Variants in SAXO1 observed in about 807,000 individuals in gnomAD.
SAXO1 encodes the protein stabilizer of axonemal microtubules 1.
In SAXO1, 21 loss-of-function variants were observed where a neutral mutation model predicts 17.5. The observed-to-expected ratio is 1.20, with a 90% CI of 0.85 to 1.72. The LOEUF (loss-of-function observed/expected upper bound fraction) is 1.72, where lower values mean the gene tolerates loss of function less well. Among genes scored for constraint, SAXO1 ranks in the 40% most tolerant of loss-of-function variants. The probability of loss-of-function intolerance (pLI) is 0.00; values close to 1 mark genes in which losing one functional copy is unlikely to be tolerated. For synonymous variants in SAXO1, 274 were observed against 216.5 expected (o/e 1.27, Z -2.33); for missense variants, 843 against 596.0 (o/e 1.41, Z -4.32).
chr9:18,928,264 G>C lies in SAXO1; in HGVS notation c.1213C>G (p.Gln405Glu). 6.2e-7 allele frequency: 1 copy of C among 1,613,156 alleles called. No homozygotes were observed. Among genetic ancestry groups the C allele is most frequent in the Non-Finnish European group, 8.5e-7 (1 of 1,179,274 alleles). ...GPRGNVPVESQTTYTISFTPK... is the reference protein window; with the variant it reads ...GPRGNVPVESETTYTISFTPK... ...GTAAAGCTGATGGTGTAGGTGGTCT[G>C]GCTTTCCACAGGGACATTTCCTCGA... is the stretch of plus-strand genomic sequence containing the variant. Residue 405 changes from glutamine (Q) to glutamate (E), a missense_variant, in exon 4 of 4, where the codon CAG (glutamine) becomes GAG (glutamate). Physicochemically the swap from Gln to Glu is conservative, Grantham distance 29 (BLOSUM62 2). Transcript: ENST00000380534.
At chr9:18,972,399 T>C (rs989729238) in intron 1 of SAXO1, among the ~76,000 whole-genome samples, 1 of 152,240 alleles carries the variant, frequency 6.6e-6, no homozygotes, top group East Asian at 1.9e-4. Flanking sequence ...TTGCCTTTTG[T>C]TCATAAATGT....
intron 1 of SAXO1, among the ~76,000 whole-genome samples, chr9:18,999,408 G>C (rs1439941883): frequency 6.6e-6 from 1 of 152,110 alleles, no homozygotes; most frequent in Non-Finnish European, 1.5e-5. Context: ...CCTCCGCCCA[G>C]CCGCCCCACC....
At chr9:18,954,236 G>C (rs1410771658) in intron 1 of SAXO1, among the ~76,000 whole-genome samples, 1 of 152,158 alleles carries the variant, frequency 6.6e-6, no homozygotes, top group Admixed American at 6.5e-5. Context: ...GAGTAGTAGA[G>C]ACCTTATGAT....
intron 1 of SAXO1, among the ~76,000 whole-genome samples, chr9:18,989,577 C>G (rs1563964876): frequency 1.3e-5 from 2 of 152,122 alleles, no homozygotes; most frequent in East Asian, 3.9e-4. Context: ...CACACACACA[C>G]ACACCCATCT....
At chr9:19,012,338 G>C (rs1834781625) in intron 1 of SAXO1, among the ~76,000 whole-genome samples, 1 of 152,196 alleles carries the variant, frequency 6.6e-6, no homozygotes, top group African/African-American at 2.4e-5. Context: ...ATCTCTTTAG[G>C]GACAGTTAGA....
chr9:18,959,424 T>C (rs922417218), intron 1 of SAXO1, among the ~76,000 whole-genome samples: 6 of 152,176 alleles, frequency 3.9e-5, no homozygotes, highest in African/African-American at 9.7e-5. Context: ...GAGCCAGGTC[T>C]GCTGGCCTCG....
intron 1 of SAXO1, among the ~76,000 whole-genome samples, chr9:18,974,722 T>TGG (rs1397095093): frequency 6.6e-6 from 1 of 152,100 alleles, no homozygotes; most frequent in Non-Finnish European, 1.5e-5. Flanking sequence ...CATGTATAAA[T>TGG]GGGGGAGAAG....
chr9:19,037,986 T>G (rs1305254057), upstream of SAXO1, among the ~76,000 whole-genome samples: 8 of 152,174 alleles, frequency 5.3e-5, no homozygotes. Flanking sequence ...TAAGAATAAA[T>G]GGCTGTGTAT....
At chr9:18,932,024 A>G (rs1290079977) in intron 3 of SAXO1, among the ~76,000 whole-genome samples, 2 of 152,088 alleles carry the variant, frequency 1.3e-5, no homozygotes, top group East Asian at 1.9e-4. Flanking sequence ...TCATTTCTTA[A>G]TGGTGTCTTT....
chr9:19,026,586 C>T (rs1197321930), intron 1 of SAXO1, among the ~76,000 whole-genome samples: 2 of 152,106 alleles, frequency 1.3e-5, no homozygotes, highest in African/African-American at 2.4e-5. Context: ...CTGAAAACAT[C>T]GCCAGGGAAA....
At chr9:19,004,212 T>G (rs1028147419) in intron 1 of SAXO1, among the ~76,000 whole-genome samples, 5 of 152,078 alleles carry the variant, frequency 3.3e-5, no homozygotes, top group African/African-American at 1.2e-4. Flanking sequence ...TAGAATGGTG[T>G]TCATTAAAAA....
At chr9:19,015,541 A>G (rs1337413246) in intron 1 of SAXO1, among the ~76,000 whole-genome samples, 1 of 151,712 alleles carries the variant, frequency 6.6e-6, no homozygotes, top group Non-Finnish European at 1.5e-5. Flanking sequence ...ATGGAGTTTC[A>G]CCACGTTGGC....
chr9:18,972,370 A>T (rs1832973989), intron 1 of SAXO1, among the ~76,000 whole-genome samples: 1 of 152,246 alleles, frequency 6.6e-6, no homozygotes, highest in South Asian at 2.1e-4. Flanking sequence ...CTGGCTGAAG[A>T]CTGCGCTCCA....
At chr9:18,986,617 A>T (rs1006220713) in intron 1 of SAXO1, among the ~76,000 whole-genome samples, 1 of 152,174 alleles carries the variant, frequency 6.6e-6, no homozygotes, top group Non-Finnish European at 1.5e-5. Context: ...GGAGAAAAAA[A>T]AAAGGGGGGG....
rs544726681 is a variant in SAXO1, at chr9:18,965,498, TA to T, written c.39-14562del. Among the ~76,000 whole-genome samples the T allele has an allele frequency of 1.3e-3, 195 of 152,240 alleles. 1 individual carries two copies. Among genetic ancestry groups the T allele is most frequent in the Non-Finnish European group, 2.1e-3 (143 of 68,046 alleles). ...CTTGTTGCATTGATCCCTTTACCAT[TA>T]TGTAATGCCATTGTCTTATTTGATC... On this transcript the variant is annotated intron_variant, in intron 1 of 3. Transcript: ENST00000380534.
At chr9:18,985,334 T>C (rs1017281910) in intron 1 of SAXO1, among the ~76,000 whole-genome samples, 2 of 152,072 alleles carry the variant, frequency 1.3e-5, no homozygotes, top group Admixed American at 6.5e-5. Flanking sequence ...GACAGAGACA[T>C]GAAGTGAGCG....
intron 1 of SAXO1, among the ~76,000 whole-genome samples, chr9:19,030,269 C>G (rs1291071447): frequency 6.6e-6 from 1 of 151,650 alleles, no homozygotes; most frequent in Non-Finnish European, 1.5e-5. Context: ...GTAAGGGAAT[C>G]ATGGGAGAAA....
At chr9:19,007,212 T>C in intron 1 of SAXO1, among the ~76,000 whole-genome samples, 1 of 151,636 alleles carries the variant, frequency 6.6e-6, no homozygotes, top group Non-Finnish European at 1.5e-5. Context: ...CTGGGCGTTT[T>C]GGTGCACGCC....
chr9:18,952,189 C>A (rs1832063834), intron 1 of SAXO1, among the ~76,000 whole-genome samples: 1 of 152,198 alleles, frequency 6.6e-6, no homozygotes, highest in Non-Finnish European at 1.5e-5. Flanking sequence ...GGGTCCCTCT[C>A]ATCATCAGGC....
Sources: allele counts gnomAD v4.1 joint callset (sites outside exome capture counted in the v4.1 genomes callset), GRCh38; gene constraint gnomAD v4.1.1; transcripts MANE v1.5; gene names NCBI Gene and HGNC (gene_info 2026-07-23, HGNC 2026-07-21).